Variants in ZNF704 observed in about 807,000 individuals in gnomAD.
ZNF704 encodes the protein glucocorticoid induced gene 1.
Under a neutral mutation model 44.7 loss-of-function variants are expected in ZNF704, and 10 were observed. The observed-to-expected ratio is 0.22, with a 90% CI of 0.14 to 0.38. The LOEUF (loss-of-function observed/expected upper bound fraction) is 0.38. Ranked by LOEUF, ZNF704 falls within the 10% of genes least tolerant of loss-of-function variation. The pLI, the probability that ZNF704 is intolerant of heterozygous loss-of-function variation, is 1.00. For missense variants in ZNF704, 390 were observed against 545.5 expected (o/e 0.71, Z 2.84); for synonymous variants, 211 against 207.6 (o/e 1.02, Z -0.14).
chr8:80,789,222 T>C (rs1807663136), intron 2 of ZNF704, among the ~76,000 whole-genome samples: 1 of 152,048 alleles, frequency 6.6e-6, no homozygotes, highest in African/African-American at 2.4e-5. Context: ...AGTGAGGAAA[T>C]GATTAAAAAC....
At chr8:80,777,195 A>G (rs920900099) in intron 2 of ZNF704, among the ~76,000 whole-genome samples, 2 of 152,108 alleles carry the variant, frequency 1.3e-5, no homozygotes, top group African/African-American at 4.8e-5. Context: ...ATCACGTCAG[A>G]AATTGCTAGT....
In ZNF704 at chr8:80,818,900, T is replaced by C. The variant is rs78052195; in HGVS notation, c.221+2474A>G. On this transcript the variant is annotated intron_variant, in intron 2 of 8. Transcript: ENST00000327835. ...AGGTGACAGTGGGAAGTCCGACATT[T>C]ATTAAACTTGGTAGCAGTAAATGGA... Among the ~76,000 whole-genome samples the C allele has an allele frequency of 4.3e-3, 656 of 152,298 alleles. 4 individuals are homozygous for C. Among genetic ancestry groups the C allele is most frequent in the Non-Finnish European group, 7.1e-3 (480 of 67,998 alleles).
intron 1 of ZNF704, among the ~76,000 whole-genome samples, chr8:80,845,436 C>A (rs1366595853): frequency 1.3e-5 from 2 of 152,196 alleles, no homozygotes; most frequent in Non-Finnish European, 2.9e-5. Context: ...ATTTTCCTGG[C>A]TTAAATCAGA....
chr8:80,687,908 T>A (rs780819347), intron 3 of ZNF704, among the ~76,000 whole-genome samples: 28 of 152,144 alleles, frequency 1.8e-4, no homozygotes, highest in Admixed American at 7.9e-4. Flanking sequence ...AACATTTTTT[T>A]AAAAAGGGAT....
intron 2 of ZNF704, among the ~76,000 whole-genome samples, chr8:80,806,555 CAT>C (rs1258146564): frequency 7.9e-5 from 12 of 152,152 alleles, no homozygotes; most frequent in Admixed American, 7.9e-4. Context: ...AAGCAACAAA[CAT>C]ATTTGAACAT....
intron 2 of ZNF704, among the ~76,000 whole-genome samples, chr8:80,738,526 C>T (rs1806702859): frequency 1.3e-5 from 2 of 151,878 alleles, no homozygotes; most frequent in South Asian, 4.2e-4. Context: ...GGTGACACAG[C>T]TAGCGAGACT....
chr8:80,844,861 A>G (rs1274706518), intron 1 of ZNF704, among the ~76,000 whole-genome samples: 1 of 150,554 alleles, frequency 6.6e-6, no homozygotes, highest in Admixed American at 6.6e-5. Flanking sequence ...TTATTTATTT[A>G]TTGAGACAGG....
intron 2 of ZNF704, among the ~76,000 whole-genome samples, chr8:80,698,845 T>C (rs891927363): frequency 2.0e-5 from 3 of 152,186 alleles, no homozygotes; most frequent in Non-Finnish European, 4.4e-5. Flanking sequence ...AACCCAGCTA[T>C]TGTTTGTGCC....
At chr8:80,698,966 C>T (rs947549990) in intron 2 of ZNF704, among the ~76,000 whole-genome samples, 8 of 152,086 alleles carry the variant, frequency 5.3e-5, no homozygotes, top group African/African-American at 1.9e-4. Context: ...ATGTTTTACA[C>T]CTTGGAGAGC....
rs901485655 is a variant in ZNF704, at chr8:80,844,011, G to A, written c.-21-22396C>T. ...TATATACACATACACACATGTATAT[G>A]TGTGTGTCACTAAAAGTCTATGTTC... On this transcript the variant is annotated intron_variant, in intron 1 of 8. Transcript: ENST00000327835. 7.3e-5 allele frequency among the ~76,000 whole-genome samples: 11 copies of A among 150,828 alleles called. No individual in the cohort carries two copies. The Middle Eastern group carries it at 0.01, about 144-fold the overall frequency.
intron 1 of ZNF704, among the ~76,000 whole-genome samples, chr8:80,873,823 G>C (rs1271782185): frequency 6.7e-6 from 1 of 148,150 alleles, no homozygotes; most frequent in Non-Finnish European, 1.5e-5. Context: ...CGGCGGCCCC[G>C]GTGGCCCGAG....
the ZNF704 span, among the ~76,000 whole-genome samples, chr8:80,880,140 G>A: frequency 2.6e-5 from 4 of 152,140 alleles, no homozygotes; most frequent in East Asian, 1.9e-4. Context: ...GCCGACTAGA[G>A]CCAGATCCAC....
intron 2 of ZNF704, among the ~76,000 whole-genome samples, chr8:80,749,040 T>C (rs1806896876): frequency 6.6e-6 from 1 of 152,188 alleles, no homozygotes. Flanking sequence ...CATCTACTAA[T>C]GAGTGAGGTG....
At chr8:80,826,126 A>G (rs1197461574) in intron 1 of ZNF704, among the ~76,000 whole-genome samples, 1 of 152,212 alleles carries the variant, frequency 6.6e-6, no homozygotes, top group East Asian at 1.9e-4. Context: ...CAAAAAAATC[A>G]ATGAATCCAG....
intron 2 of ZNF704, among the ~76,000 whole-genome samples, chr8:80,740,041 C>T (rs912539693): frequency 1.3e-5 from 2 of 152,158 alleles, no homozygotes; most frequent in Non-Finnish European, 2.9e-5. Flanking sequence ...GATGCTGGCA[C>T]GACCTTCTCA....
intron 1 of ZNF704, among the ~76,000 whole-genome samples, chr8:80,842,607 G>A (rs1041627086): frequency 6.6e-6 from 1 of 152,162 alleles, no homozygotes; most frequent in Non-Finnish European, 1.5e-5. Context: ...TCGGCAGTGG[G>A]TCATAAGAAA....
At chr8:80,879,179 A>G (rs549028683), upstream of ZNF704, among the ~76,000 whole-genome samples, 27 of 152,312 alleles carry the variant, frequency 1.8e-4, no homozygotes, top group African/African-American at 6.5e-4. Flanking sequence ...AGATTAAGCC[A>G]AATACCCATT....
chr8:80,784,013 G>C (rs1214738481), intron 2 of ZNF704, among the ~76,000 whole-genome samples: 1 of 152,062 alleles, frequency 6.6e-6, no homozygotes, highest in Non-Finnish European at 1.5e-5. Flanking sequence ...CTTTCACTTA[G>C]TGGTGTGCAT....
chr8:80,722,635 T>C (rs1166015154), intron 2 of ZNF704, among the ~76,000 whole-genome samples: 1 of 152,262 alleles, frequency 6.6e-6, no homozygotes, highest in Non-Finnish European at 1.5e-5. Flanking sequence ...TAGTTTGTCA[T>C]CAATTTTAAA....
Sources: gnomAD v4.1 joint callset for allele counts (sites outside exome capture counted in the v4.1 genomes callset) on GRCh38, gnomAD v4.1.1 for gene constraint, MANE v1.5 for transcripts, NCBI Gene and HGNC (gene_info 2026-07-23, HGNC 2026-07-21) for gene names.